TDRD9: variants seen among roughly 807,000 people sequenced by gnomAD.
TDRD9 encodes tudor domain containing 9, also known as ATP-dependent RNA helicase TDRD9.
In TDRD9, 124 loss-of-function variants were observed where a neutral mutation model predicts 172.6. The ratio of observed to expected loss-of-function variants is 0.72; its 90% CI spans 0.62 to 0.83. TDRD9 has a LOEUF of 0.83. Among genes scored for constraint, TDRD9 ranks in the 40% least tolerant of loss-of-function variants. TDRD9 has a pLI of 0.00. For missense variants in TDRD9, 1,479 were observed against 1,714.1 expected (o/e 0.86, Z 2.42); for synonymous variants, 619 against 617.1 (o/e 1.00, Z -0.05).
intron 1 of TDRD9, among the ~76,000 whole-genome samples, chr14:103,937,652 A>G (rs975233690): frequency 6.6e-6 from 1 of 152,100 alleles, no homozygotes. Context: ...AATGATTCTG[A>G]GATTTCTGGC....
chr14:103,948,464 CTA>C (rs1432760971), intron 1 of TDRD9, among the ~76,000 whole-genome samples: 2 of 152,050 alleles, frequency 1.3e-5, no homozygotes, highest in African/African-American at 4.8e-5. Flanking sequence ...AATAGAATTA[CTA>C]TATGATCCAG....
chr14:104,011,945 G>C (rs1186953202), intron 20 of TDRD9, among the ~76,000 whole-genome samples: 1 of 152,146 alleles, frequency 6.6e-6, no homozygotes, highest in African/African-American at 2.4e-5. Context: ...AGGAGCCCTG[G>C]AGAGACCAGG....
At chr14:103,992,498 G>A (rs1002479696) in intron 9 of TDRD9, among the ~76,000 whole-genome samples, 3 of 152,184 alleles carry the variant, frequency 2.0e-5, no homozygotes, top group African/African-American at 7.2e-5. Flanking sequence ...ACTTCTGTGT[G>A]CATCATATTG....
At chr14:103,953,280 C>T (rs187630841) in intron 1 of TDRD9, among the ~76,000 whole-genome samples, 52 of 152,262 alleles carry the variant, frequency 3.4e-4, no homozygotes, top group South Asian at 1.9e-3. Flanking sequence ...ATCCTCTTCC[C>T]GCCCCCTCCT....
chr14:103,945,836 C>T (rs2031526324), intron 1 of TDRD9, among the ~76,000 whole-genome samples: 1 of 152,116 alleles, frequency 6.6e-6, no homozygotes, highest in Admixed American at 6.5e-5. Flanking sequence ...ATTTTGGAAC[C>T]TTGAAAAGCA....
intron 1 of TDRD9, among the ~76,000 whole-genome samples, chr14:103,949,651 C>T (rs1194031624): frequency 2.6e-5 from 4 of 152,170 alleles, no homozygotes; most frequent in Non-Finnish European, 5.9e-5. Flanking sequence ...CATGAAGACA[C>T]AGAAGCTCTA....
chr14:103,953,234 C>A (rs1468383893), intron 1 of TDRD9, among the ~76,000 whole-genome samples: 1 of 152,168 alleles, frequency 6.6e-6, no homozygotes, highest in Non-Finnish European at 1.5e-5. Context: ...CAGCTCTTCT[C>A]CATACCCTTC....
At chr14:104,036,556 C>CT (rs2035455437) in intron 32 of TDRD9, among the ~76,000 whole-genome samples, 1 of 152,160 alleles carries the variant, frequency 6.6e-6, no homozygotes, top group South Asian at 2.1e-4. Context: ...CCCTGCTTGC[C>CT]TTTTTAACTA....
At chr14:103,950,090 CTTTTTTTT>C (rs58379140) in intron 1 of TDRD9, among the ~76,000 whole-genome samples, 41 of 108,454 alleles carry the variant, frequency 3.8e-4, no homozygotes, top group African/African-American at 1.4e-3. Context: ...TCCTTCCTTC[CTTTTTTTT>C]TTTTTTTTTT....
intron 1 of TDRD9, among the ~76,000 whole-genome samples, chr14:103,950,862 A>G (rs946427457): frequency 2.6e-5 from 4 of 152,142 alleles, no homozygotes; most frequent in South Asian, 2.1e-4. Context: ...AAAACCCACA[A>G]CCTTGCACAA....
At position 103,995,829 on chromosome 14, in the gene TDRD9, C is replaced by T. The variant is rs190096130; in HGVS notation, c.1378+22C>T. On this transcript the variant is annotated intron_variant, in intron 12 of 35. Transcript: ENST00000409874. ...TATGGTAAGATACTTCTCCGTTTAC[C>T]TCCTGGCATTAGCTGTAGTGCCATA... is the stretch of plus-strand genomic sequence containing the variant. 230 of 1,591,870 alleles carry T rather than the reference C, an allele frequency of 1.4e-4. 1 individual carries two copies. The African/African-American group carries it at 2.7e-3, about 19-fold the overall frequency.
intron 31 of TDRD9, among the ~76,000 whole-genome samples, chr14:104,034,705 A>T (rs2035396636): frequency 6.6e-6 from 1 of 152,198 alleles, no homozygotes. Context: ...GGGGAAAGAG[A>T]TGCAAAGAGT....
chr14:103,952,806 T>G (rs2032007199), intron 1 of TDRD9, among the ~76,000 whole-genome samples: 1 of 146,316 alleles, frequency 6.8e-6, no homozygotes, highest in South Asian at 2.3e-4. Flanking sequence ...TGGTGCGATC[T>G]TGGTGTACTG....
At chr14:103,945,165 G>T (rs980262984) in intron 1 of TDRD9, among the ~76,000 whole-genome samples, 2 of 152,182 alleles carry the variant, frequency 1.3e-5, no homozygotes, top group African/African-American at 4.8e-5. Context: ...ACCTTTTTGG[G>T]TAGGAGGTAT....
At chr14:104,002,461 A>G (rs887514485) in intron 13 of TDRD9, among the ~76,000 whole-genome samples, 11 of 152,288 alleles carry the variant, frequency 7.2e-5, no homozygotes, top group African/African-American at 2.6e-4. Flanking sequence ...AGGAAGATTT[A>G]TGAACAGAAA....
chr14:103,975,991 C>T (rs2033222850), intron 7 of TDRD9, among the ~76,000 whole-genome samples: 2 of 152,170 alleles, frequency 1.3e-5, no homozygotes, highest in South Asian at 4.1e-4. Flanking sequence ...GAAGTTATTT[C>T]TTATCTAGCT....
chr14:104,007,071 T>C (rs1394906062), intron 18 of TDRD9, 89 bp from the exon 19 acceptor site: 2 of 1,296,610 alleles, frequency 1.5e-6, no homozygotes, highest in Non-Finnish European at 2.1e-6. Flanking sequence ...ATTTTTATGT[T>C]GTAAATTTTC....
intron 33 of TDRD9, 60 bp from the exon 34 acceptor site, chr14:104,042,009 C>T (rs1324963736): frequency 2.0e-5 from 22 of 1,096,954 alleles, no homozygotes; most frequent in South Asian, 2.6e-5. Context: ...AATTCTCTAA[C>T]GGGATGAAAT....
In TDRD9 at chr14:103,955,141, C is replaced by T. The variant is rs146908650; in HGVS notation, c.216-523C>T. On this transcript the variant is annotated intron_variant, in intron 1 of 35. Transcript: ENST00000409874. ...GTTTCACCATGTTGCCCAGGCTGGT[C>T]TCGAACTTCTGAGCACAAAGTGATC... Among the ~76,000 whole-genome samples, 128 of 151,916 alleles carry T rather than the reference C, an allele frequency of 8.4e-4. 2 individuals carry two copies. In the East Asian group the frequency reaches 0.024, roughly 28 times the overall value.
Sources: allele counts gnomAD v4.1 joint callset (sites outside exome capture counted in the v4.1 genomes callset), GRCh38; gene constraint gnomAD v4.1.1; transcripts MANE v1.5; gene names NCBI Gene and HGNC (gene_info 2026-07-23, HGNC 2026-07-21).